The following CPNE2 variants were observed in gnomAD, a reference collection of about 807,000 sequenced individuals.
CPNE2 encodes the protein copine 2.
A neutral mutation model predicts 69.7 loss-of-function variants in CPNE2; 42 were observed. The observed-to-expected ratio is 0.60, with a 90% CI of 0.47 to 0.78. The LOEUF is 0.78. Among genes scored for constraint, CPNE2 ranks in the 30% least tolerant of loss-of-function variants. The pLI is 0.00. For synonymous variants in CPNE2, 294 were observed against 289.8 expected (o/e 1.01, Z -0.15); for missense variants, 587 against 732.0 (o/e 0.80, Z 2.29).
intron 3 of CPNE2, 114 bp downstream of exon 3, chr16:57,113,581 T>G (rs2069696107): frequency 7.3e-6 from 8 of 1,090,352 alleles, no homozygotes; most frequent in African/African-American, 1.6e-5. Context: ...GGTCCCAAAG[T>G]GCAGATGCAG....
chr16:57,128,155 C>T (rs985721343), intron 12 of CPNE2, among the ~76,000 whole-genome samples: 5 of 152,076 alleles, frequency 3.3e-5, no homozygotes, highest in African/African-American at 4.8e-5. Flanking sequence ...TGCCAGATGT[C>T]GCAAATCAAA....
chr16:57,134,083 T>A (rs895186393), intron 12 of CPNE2, among the ~76,000 whole-genome samples: 5 of 152,178 alleles, frequency 3.3e-5, no homozygotes, highest in Non-Finnish European at 7.4e-5. Context: ...CCCGAAGCCA[T>A]GCGAGCAGCA....
chr16:57,147,260 A>G, intron 15 of CPNE2: 1 of 315,620 alleles, frequency 3.2e-6, no homozygotes, highest in Non-Finnish European at 5.8e-6. Context: ...CCGGACACAT[A>G]GGTGCTTCCC....
intron 1 of CPNE2, among the ~76,000 whole-genome samples, chr16:57,100,729 A>G (rs2069607926): frequency 6.6e-6 from 1 of 152,200 alleles, no homozygotes; most frequent in African/African-American, 2.4e-5. Context: ...AGGACCTGGG[A>G]CAGGCATTAT....
intron 14 of CPNE2, 61 bp downstream of exon 14, chr16:57,137,343 G>A (rs1219914218): frequency 6.3e-6 from 10 of 1,590,732 alleles, no homozygotes; most frequent in Non-Finnish European, 7.7e-6. Flanking sequence ...GGGCTGGGGG[G>A]CAGGATATTC....
chr16:57,121,708 GGAA>G lies in CPNE2; in HGVS notation c.825_827del (p.Lys275del), dbSNP rs755944224. 53 of 1,614,050 alleles carry G rather than the reference GGAA, an allele frequency of 3.3e-5. No homozygotes were observed. Among genetic ancestry groups the G allele is most frequent in the African/African-American group, 5.3e-5 (4 of 74,928 alleles). ...GAGTGCATCAACCCCAAGAAGCAGA[GGAA>G]GAAGAAGAACTATAAAAACTCGGGC... On this transcript the variant is annotated inframe_deletion, in exon 9 of 16. Coordinates refer to ENST00000290776, the MANE Select transcript of CPNE2 (RefSeq NM_152727.6).
chr16:57,094,622 G>T (rs76298617), intron 1 of CPNE2, among the ~76,000 whole-genome samples: 2 of 152,180 alleles, frequency 1.3e-5, no homozygotes, highest in African/African-American at 4.8e-5. Flanking sequence ...GCAAGGACTC[G>T]GGTGCCAGCA....
At chr16:57,134,042 T>C (rs2069858170) in intron 12 of CPNE2, among the ~76,000 whole-genome samples, 1 of 152,120 alleles carries the variant, frequency 6.6e-6, no homozygotes, top group Admixed American at 6.5e-5. Flanking sequence ...CCCACAGCCC[T>C]GAACGGGGCC....
intron 12 of CPNE2, among the ~76,000 whole-genome samples, chr16:57,133,565 A>G (rs2145273593): frequency 6.6e-6 from 1 of 152,234 alleles, no homozygotes; most frequent in Non-Finnish European, 1.5e-5. Context: ...CAGTACCCCC[A>G]TCGTCATGTC....
chr16:57,094,291 C>G (rs1451822790), intron 1 of CPNE2, among the ~76,000 whole-genome samples: 1 of 152,116 alleles, frequency 6.6e-6, no homozygotes, highest in Non-Finnish European at 1.5e-5. Context: ...CATGATCCAG[C>G]TTACAGTAGG....
intron 12 of CPNE2, among the ~76,000 whole-genome samples, chr16:57,132,934 G>A (rs1176656161): frequency 1.3e-5 from 2 of 152,134 alleles, no homozygotes; most frequent in East Asian, 3.9e-4. Context: ...TAAAGAGGGG[G>A]GAAGAGTGGG....
chr16:57,121,767 C>T lies in CPNE2; in HGVS notation c.867+7C>T. The T allele has an allele frequency of 6.2e-7, 1 of 1,613,890 alleles. No individual in the cohort carries two copies. The highest frequency in any genetic ancestry group is 8.5e-7 in the Non-Finnish European group (1 of 1,179,814). ...CATCCTGCGATCCTGCAAGGTGAAC[C>T]AGCGTGGGCAAGCACGAGCCAGGGG... On this transcript the variant is annotated splice_region_variant and intron_variant, in intron 9 of 15. Coordinates refer to ENST00000290776, the MANE Select transcript of CPNE2 (RefSeq NM_152727.6).
Position 57,117,477 on chromosome 16 carries a change from T to A in CPNE2, c.436-19T>A. ...AGGCTGGGGGAGTCTGAGGAGCCCC[T>A]CATGTCCCGGCCTTACAGATCGCTG... On this transcript the variant is annotated intron_variant, in intron 4 of 15. Coordinates refer to ENST00000290776, the MANE Select transcript of CPNE2 (RefSeq NM_152727.6). The A allele has an allele frequency of 6.2e-7, 1 of 1,610,492 alleles. No homozygotes were observed. Among genetic ancestry groups the A allele is most frequent in the Non-Finnish European group, 8.5e-7 (1 of 1,178,424 alleles).
chr16:57,133,882 G>A (rs550004529), intron 12 of CPNE2, among the ~76,000 whole-genome samples: 1 of 152,306 alleles, frequency 6.6e-6, no homozygotes, highest in South Asian at 2.1e-4. Flanking sequence ...CTGCACAGCA[G>A]TGAATGCGGA....
rs527361339 is a variant in CPNE2, at chr16:57,127,566, TCA to T, written c.1062-282_1062-281del. On this transcript the variant is annotated intron_variant, in intron 11 of 15. Coordinates refer to ENST00000290776, the MANE Select transcript of CPNE2 (RefSeq NM_152727.6). ...CTTGGTTTAGTGGCTGGCTGAAGTC[TCA>T]GTTTGAGAAGGATCTAGAAGCTGTG... 2.5e-3 allele frequency among the ~76,000 whole-genome samples: 388 copies of T among 152,310 alleles called. 9 individuals carry two copies. The highest frequency in any genetic ancestry group is 0.023 in the Admixed American group (353 of 15,296).
chr16:57,116,909 G>A (rs2069723142), intron 4 of CPNE2, among the ~76,000 whole-genome samples: 1 of 152,210 alleles, frequency 6.6e-6, no homozygotes, highest in African/African-American at 2.4e-5. Flanking sequence ...AGGGGAGGGA[G>A]AGAGGCCTAC....
At chr16:57,096,349 C>T (rs550097295) in intron 1 of CPNE2, among the ~76,000 whole-genome samples, 2 of 152,282 alleles carry the variant, frequency 1.3e-5, no homozygotes, top group East Asian at 3.9e-4. Context: ...TCCCAGCATT[C>T]ACTGCACTCT....
chr16:57,117,414 TTGCTCCTGGGGCACCCTGTGCCATCC>T, intron 4 of CPNE2, 56 bp from the exon 5 acceptor site: 1 of 1,429,748 alleles, frequency 7.0e-7, no homozygotes, highest in Non-Finnish European at 9.6e-7. Context: ...CCCTGGAGGA[TTGCTCCTGGGGCACCCTGTGCCATCC>T]TGCCTGGCAG....
chr16:57,137,316 A>C lies in CPNE2; in HGVS notation c.1302+34A>C, dbSNP rs777006955. On this transcript the variant is annotated intron_variant, in intron 14 of 15. Coordinates refer to ENST00000290776, the MANE Select transcript of CPNE2 (RefSeq NM_152727.6). The stretch of plus-strand genomic sequence containing the variant: ...GCAGCTGCAAGCCAGTCATGCCAGG[A>C]AACACGCACGTCCTCTGGGCTGGGG... 2.5e-6 allele frequency: 4 copies of C among 1,612,886 alleles called. No individual in the cohort carries two copies. In the South Asian group the frequency reaches 4.4e-5, roughly 18 times the overall value.
Sources: gnomAD v4.1 joint callset for allele counts (sites outside exome capture counted in the v4.1 genomes callset) on GRCh38, gnomAD v4.1.1 for gene constraint, MANE v1.5 for transcripts, NCBI Gene and HGNC (gene_info 2026-07-23, HGNC 2026-07-21) for gene names.